Variants in NRXN1 observed in about 807,000 individuals in gnomAD.
The protein encoded by NRXN1 is neurexin-1.
A neutral mutation model predicts 150.9 loss-of-function variants in NRXN1; 39 were observed. The observed-to-expected ratio is 0.26, with a 90% confidence interval of 0.20 to 0.34. The LOEUF (loss-of-function observed/expected upper bound fraction) is 0.34. NRXN1 is among the 10% of genes least tolerant of loss of function. NRXN1 has a pLI of 1.00. For missense variants in NRXN1, 1,815 were observed against 1,949.9 expected, an observed-to-expected ratio of 0.93 and a Z score of 1.30; for synonymous variants, 924 against 757.0, an observed-to-expected ratio of 1.22 and a Z score of -3.62.
intron 17 of NRXN1, among the ~76,000 whole-genome samples, chr2:50,324,438 C>T (rs2076253604): frequency 6.6e-6 from 1 of 152,378 alleles, no homozygotes; most frequent in Non-Finnish European, 1.5e-5. Context: ...GAAGCACTCA[C>T]TTGCAGGAAC....
At chr2:50,829,498 G>A (rs201851837) in intron 5 of NRXN1, 14 of 1,598,212 alleles carry the variant, frequency 8.8e-6, no homozygotes, top group African/African-American at 1.3e-5. Context: ...AGAAAGGCGC[G>A]AATCAAAAAC....
chr2:50,564,681 A>G (rs1669598092), intron 8 of NRXN1, among the ~76,000 whole-genome samples: 1 of 152,188 alleles, frequency 6.6e-6, no homozygotes, highest in African/African-American at 2.4e-5. Flanking sequence ...TTGCTAAAAT[A>G]TTGAACACAT....
chr2:50,173,773 C>T (rs1470668232), intron 18 of NRXN1, among the ~76,000 whole-genome samples: 1 of 152,058 alleles, frequency 6.6e-6, no homozygotes, highest in Non-Finnish European at 1.5e-5. Context: ...AAGGGCGTGG[C>T]TTTAAAAATT....
intron 21 of NRXN1, among the ~76,000 whole-genome samples, chr2:50,020,132 T>C (rs1687347863): frequency 6.6e-6 from 1 of 151,990 alleles, no homozygotes; most frequent in African/African-American, 2.4e-5. Context: ...CATTTTACAC[T>C]CAAAACTCAA....
intron 17 of NRXN1, among the ~76,000 whole-genome samples, chr2:50,450,460 T>C (rs1384637075): frequency 6.6e-6 from 1 of 151,936 alleles, no homozygotes; most frequent in African/African-American, 2.4e-5. Context: ...AAATCCCTTC[T>C]ATCCTGGGTC....
At chr2:50,009,118 A>C (rs993467849) in intron 21 of NRXN1, among the ~76,000 whole-genome samples, 2 of 152,156 alleles carry the variant, frequency 1.3e-5, no homozygotes, top group African/African-American at 2.4e-5. Flanking sequence ...GCATTTTTAC[A>C]ATCTTTGTAT....
chr2:50,316,824 A>T (rs563281155), intron 17 of NRXN1, among the ~76,000 whole-genome samples: 37 of 152,086 alleles, frequency 2.4e-4, no homozygotes, highest in African/African-American at 8.4e-4. Flanking sequence ...AGGGTAAAAA[A>T]ATGTCAAAAT....
chr2:50,222,962 T>C (rs1383354174), intron 18 of NRXN1, among the ~76,000 whole-genome samples: 1 of 151,962 alleles, frequency 6.6e-6, no homozygotes, highest in East Asian at 1.9e-4. Context: ...TGTTGTATTA[T>C]TTAAATTTTT....
At chr2:49,954,314 G>C (rs1413006533) in intron 21 of NRXN1, among the ~76,000 whole-genome samples, 2 of 144,670 alleles carry the variant, frequency 1.4e-5, no homozygotes, top group Non-Finnish European at 3.1e-5. Context: ...AACTTACAAG[G>C]TAGGTAGCAC....
intron 8 of NRXN1, among the ~76,000 whole-genome samples, chr2:50,575,651 T>C (rs540857987): frequency 6.6e-6 from 1 of 152,326 alleles, no homozygotes; most frequent in Non-Finnish European, 1.5e-5. Flanking sequence ...TCTCTTATTA[T>C]ATATATTTTT....
intron 2 of NRXN1, among the ~76,000 whole-genome samples, chr2:50,985,018 T>C (rs1022778971): frequency 6.6e-6 from 1 of 152,066 alleles, no homozygotes; most frequent in Non-Finnish European, 1.5e-5. Context: ...CTTTCTGCTC[T>C]AATTCCATGA....
chr2:50,859,557 G>A (rs911153323), intron 5 of NRXN1, among the ~76,000 whole-genome samples: 1 of 150,290 alleles, frequency 6.7e-6, no homozygotes, highest in Admixed American at 6.6e-5. Context: ...GGAAAAGGGA[G>A]AAATCTAATA....
At chr2:50,819,051 T>C (rs1195076859) in intron 5 of NRXN1, among the ~76,000 whole-genome samples, 2 of 152,124 alleles carry the variant, frequency 1.3e-5, no homozygotes, top group Admixed American at 6.6e-5. Flanking sequence ...TGGGAAGACA[T>C]TGGAACCCTT....
At chr2:50,132,642 A>G (rs1351893175) in intron 18 of NRXN1, among the ~76,000 whole-genome samples, 1 of 151,778 alleles carries the variant, frequency 6.6e-6, no homozygotes, top group East Asian at 1.9e-4. Context: ...TTTGATGTGA[A>G]TTGGGGGAGG....
intron 5 of NRXN1, chr2:50,912,095 A>G (rs988435975): frequency 6.6e-5 from 10 of 151,864 alleles, no homozygotes; most frequent in African/African-American, 9.7e-5. Context: ...CTGCAAGGAA[A>G]AAACAAAAAT....
intron 17 of NRXN1, among the ~76,000 whole-genome samples, chr2:50,434,043 AT>A (rs748364051): frequency 0.02 from 1,440 of 72,032 alleles, 93 homozygotes; most frequent in Non-Finnish European, 0.023. Flanking sequence ...TATCTAAGCC[AT>A]TTTTTTTTTT....
chr2:50,108,258 T>C (rs1210872140), intron 18 of NRXN1, among the ~76,000 whole-genome samples: 4 of 152,018 alleles, frequency 2.6e-5, no homozygotes, highest in Non-Finnish European at 5.9e-5. Context: ...CACACACAAA[T>C]CCATTGACCA....
chr2:50,320,725 T>C (rs1217878877), intron 17 of NRXN1, among the ~76,000 whole-genome samples: 1 of 151,974 alleles, frequency 6.6e-6, no homozygotes, highest in African/African-American at 2.4e-5. Context: ...TGAAGATAAG[T>C]AGGGGCTATG....
intron 15 of NRXN1, among the ~76,000 whole-genome samples, chr2:50,486,980 C>T (rs777131940): frequency 5.3e-5 from 8 of 152,088 alleles, no homozygotes; most frequent in East Asian, 1.9e-4. Context: ...TGAGATACGA[C>T]GAACCCTTAG....
Sources: gnomAD v4.1 joint callset for allele counts (sites outside exome capture counted in the v4.1 genomes callset) on GRCh38, gnomAD v4.1.1 for gene constraint, MANE v1.5 for transcripts, NCBI Gene and HGNC (gene_info 2026-07-23, HGNC 2026-07-21) for gene names.